POLH: variants seen among roughly 807,000 people sequenced by gnomAD.
The protein encoded by POLH is DNA polymerase eta transcript.
In POLH, 53 loss-of-function variants were observed where a neutral mutation model predicts 73.6. That is an observed-to-expected ratio of 0.72 (90% CI 0.58 to 0.91). The LOEUF is 0.91. Ranked by LOEUF, POLH falls within the 40% of genes least tolerant of loss-of-function variation. The pLI is 0.00. For synonymous variants in POLH, 292 were observed against 308.5 expected (o/e 0.95, Z 0.56); for missense variants, 768 against 865.4 (o/e 0.89, Z 1.41).
rs1173652311 is a variant in POLH at position 43,616,898 on chromosome 6, A to G, written c.*2341A>G. On this transcript the variant is annotated 3_prime_UTR_variant, in exon 11 of 11. Coordinates refer to ENST00000372236, the MANE Select transcript of POLH (RefSeq NM_006502.3). ...ACTCTGTTTAGATCTGATAAGTCAT[A>G]ATCAAATCTTGCCAGGCGTGGTGGT... 6.6e-6 allele frequency among the ~76,000 whole-genome samples: 1 copy of G among 152,212 alleles called. No individual in the cohort carries two copies. The highest frequency in any genetic ancestry group is 1.5e-5 in the Non-Finnish European group (1 of 68,034).
chr6:43,603,668 T>C lies in POLH; in HGVS notation c.765-224T>C, dbSNP rs9333547. ...GCGTTGTACAATTGAACGTTTTATA[T>C]ACAGTTTACTTGATAGTTAATCAAG... On this transcript the variant is annotated intron_variant, in intron 6 of 10. Coordinates refer to ENST00000372236, the MANE Select transcript of POLH (RefSeq NM_006502.3). 0.047 allele frequency among the ~76,000 whole-genome samples: 7,213 copies of C among 152,304 alleles called. 243 individuals are homozygous for C. The highest frequency in any genetic ancestry group is 0.066 in the Non-Finnish European group (4,473 of 68,010).
intron 10 of POLH, among the ~76,000 whole-genome samples, chr6:43,612,369 G>A (rs1477008077): frequency 1.4e-5 from 2 of 145,788 alleles, no homozygotes; most frequent in Non-Finnish European, 3.0e-5. Flanking sequence ...TTTTTGAGAC[G>A]GAATCTCGCT....
rs368089629 is a variant in POLH, at chr6:43,616,586, CAA to C, written c.*2042_*2043del. Reference sequence around the variant, plus strand: ...CCAGGGTGAGAGTGAGAGACTGTCTCAAAAAAAAAAAAAACAAAAGAAAAACT... The same window carrying C: ...CCAGGGTGAGAGTGAGAGACTGTCTCAAAAAAAAAAAACAAAAGAAAAACT... On this transcript the variant is annotated 3_prime_UTR_variant, in exon 11 of 11. Coordinates refer to ENST00000372236, the MANE Select transcript of POLH (RefSeq NM_006502.3). Among the ~76,000 whole-genome samples the C allele has an allele frequency of 1.7e-5, 2 of 118,520 alleles. No individual in the cohort carries two copies. Among genetic ancestry groups the C allele is most frequent in the African/African-American group, 5.7e-5 (2 of 35,232 alleles). The allele number at this position is 118,520 out of a possible 152,430, so 77.8% of individuals were successfully genotyped here.
Position 43,582,478 on chromosome 6 carries a change from A to G in POLH, c.137+22A>G. 3 of 1,610,032 alleles carry G rather than the reference A, an allele frequency of 1.9e-6. No homozygotes were observed. In the South Asian group the frequency reaches 3.3e-5, roughly 18 times the overall value. On this transcript the variant is annotated intron_variant, in intron 2 of 10. Transcript: ENST00000372236. ...GTGGGTATGTATCATTGTTATTGTCACAACTATTCAATGGTAACACAGTGG... is the reference window on the plus strand; with the variant it reads ...GTGGGTATGTATCATTGTTATTGTCGCAACTATTCAATGGTAACACAGTGG...
chr6:43,582,527 T>TG (rs1554138543), intron 2 of POLH, 71 bp downstream of exon 2: 2 of 1,464,922 alleles, frequency 1.4e-6, no homozygotes, highest in Non-Finnish European at 1.9e-6. Flanking sequence ...CCTTTGTTGT[T>TG]GTGGTGGTGG....
chr6:43,605,164 T>C (rs1456756011), intron 8 of POLH, 90 bp from the exon 9 acceptor site: 1 of 783,776 alleles, frequency 1.3e-6, no homozygotes, highest in East Asian at 2.7e-5. Context: ...CAATTCTGTT[T>C]GGGAGAAAAA....
intron 9 of POLH, among the ~76,000 whole-genome samples, chr6:43,608,874 A>G (rs908769546): frequency 1.3e-5 from 2 of 152,210 alleles, no homozygotes; most frequent in Non-Finnish European, 2.9e-5. Context: ...GTAATTCTAT[A>G]AAGCCAAATA....
At chr6:43,605,387 T>C in intron 9 of POLH, 68 bp downstream of exon 9, 1 of 783,998 alleles carries the variant, frequency 1.3e-6, no homozygotes, top group South Asian at 1.4e-5. Flanking sequence ...CTTTACCTTA[T>C]GGAGCAGGAA....
At position 43,593,627 on chromosome 6, in the gene POLH, AT is replaced by A. The variant is rs1214699159; in HGVS notation, c.491-4068del. Among the ~76,000 whole-genome samples, 9 of 152,328 alleles carry A rather than the reference AT, an allele frequency of 5.9e-5. No individual in the cohort carries two copies. The East Asian group carries it at 7.7e-4, about 13-fold the overall frequency. ...CTGGGCACAGTGGCTCACGCCTGTA[AT>A]CCCAGCACTTTGAGAGGCCAGGGTG... On this transcript the variant is annotated intron_variant, in intron 4 of 10. Coordinates refer to ENST00000372236, the MANE Select transcript of POLH (RefSeq NM_006502.3).
intron 1 of POLH, among the ~76,000 whole-genome samples, chr6:43,579,833 G>T (rs1418532669): frequency 6.6e-6 from 1 of 152,114 alleles, no homozygotes; most frequent in East Asian, 1.9e-4. Flanking sequence ...TTTGTTGGTG[G>T]GGAGAAATCC....
chr6:43,581,262 C>T (rs1279366424), intron 1 of POLH, among the ~76,000 whole-genome samples: 26 of 148,758 alleles, frequency 1.7e-4, no homozygotes, highest in African/African-American at 5.3e-4. Flanking sequence ...GATGGGGCGG[C>T]GGGGCAGAGG....
At chr6:43,595,676 G>A (rs1020943048) in intron 4 of POLH, among the ~76,000 whole-genome samples, 2 of 151,962 alleles carry the variant, frequency 1.3e-5, no homozygotes, top group Admixed American at 6.6e-5. Context: ...ACGTGGACTC[G>A]GGAGGCTGAG....
At chr6:43,595,463 C>T (rs1007946343) in intron 4 of POLH, among the ~76,000 whole-genome samples, 1 of 151,314 alleles carries the variant, frequency 6.6e-6, no homozygotes, top group Non-Finnish European at 1.5e-5. Context: ...AATAAAGTTC[C>T]TTGGCCGGGC....
intron 1 of POLH, chr6:43,578,475 A>G: frequency 2.3e-6 from 1 of 434,652 alleles, no homozygotes; most frequent in South Asian, 1.7e-5. Flanking sequence ...GTCAAATATC[A>G]GTAGTATTTA....
In POLH at chr6:43,605,195, T is replaced by A; in HGVS notation, c.1009-59T>A. 9 of 943,742 alleles carry A rather than the reference T, an allele frequency of 9.5e-6. No homozygotes were observed. In the South Asian group the frequency reaches 1.2e-4, roughly 13 times the overall value. 58.5% of individuals were successfully genotyped at this position (943,742 alleles called of 1,614,324 possible). ...AAAAAAAAGAACAAATAACACCATC[T>A]AGTTCTTAATAGACTTCGAGTGTTT... On this transcript the variant is annotated intron_variant, in intron 8 of 10. Transcript: ENST00000372236.
At chr6:43,607,390 G>A (rs1360471331) in intron 9 of POLH, among the ~76,000 whole-genome samples, 2 of 152,182 alleles carry the variant, frequency 1.3e-5, no homozygotes, top group Non-Finnish European at 2.9e-5. Flanking sequence ...ACTGCGCCCG[G>A]CCAGGACTGA....
At chr6:43,613,628 C>G (rs756441052) in intron 10 of POLH, 32 bp from the exon 11 acceptor site, 1 of 1,550,828 alleles carries the variant, frequency 6.4e-7, no homozygotes, top group East Asian at 2.2e-5. Flanking sequence ...TTCTAAATTG[C>G]TAATCATCTT....
Position 43,619,045 on chromosome 6 carries a change from A to T in POLH, c.*4488A>T, listed in dbSNP as rs1325923979. Among the ~76,000 whole-genome samples the T allele has an allele frequency of 6.6e-6, 1 of 152,136 alleles. No individual in the cohort carries two copies. Among genetic ancestry groups the T allele is most frequent in the Non-Finnish European group, 1.5e-5 (1 of 68,044 alleles). On this transcript the variant is annotated 3_prime_UTR_variant, in exon 11 of 11. Transcript: ENST00000372236. ...TTACCAGGAAATTTTTTTCTTCAAA[A>T]ATATTTTCTGCTTTTATGATACTTG...
chr6:43,613,898 G>C lies in POLH; in HGVS notation c.1483G>C (p.Glu495Gln). 2 of 1,613,938 alleles carry C rather than the reference G, an allele frequency of 1.2e-6. No homozygotes were observed. Among genetic ancestry groups the C allele is most frequent in the Non-Finnish European group, 1.7e-6 (2 of 1,180,040 alleles). ...AGCTGCAGAAAGGCAGAAAGTTAAA[G>C]AAGCTTCGCTTTCATCTCTTACTGC... Reference protein sequence around the residue: ...QKAAERQKVKEASLSSLTAPT... With the variant: ...QKAAERQKVKQASLSSLTAPT... Residue 495 changes from glutamate (E) to glutamine (Q), a missense_variant, in exon 11 of 11, where the codon GAA becomes CAA. Coordinates refer to ENST00000372236, the MANE Select transcript of POLH (RefSeq NM_006502.3).
Sources: allele counts gnomAD v4.1 joint callset (sites outside exome capture counted in the v4.1 genomes callset), GRCh38; gene constraint gnomAD v4.1.1; transcripts MANE v1.5; gene names NCBI Gene and HGNC (gene_info 2026-07-23, HGNC 2026-07-21).